ZBED1: variants seen among roughly 807,000 people sequenced by gnomAD.
The protein encoded by ZBED1 is E3 SUMO-protein ligase ZBED1.
A neutral mutation model predicts 49.7 loss-of-function variants in ZBED1; 19 were observed. The observed-to-expected ratio is 0.38, with a 90% CI of 0.27 to 0.56. ZBED1 has a LOEUF of 0.56. Among genes scored for constraint, ZBED1 ranks in the 20% least tolerant of loss-of-function variants. The probability of loss-of-function intolerance (pLI) is 0.70; values close to 1 mark genes in which losing one functional copy is unlikely to be tolerated. For missense variants in ZBED1, 806 were observed against 972.6 expected, an observed-to-expected ratio of 0.83 and a Z score of 2.28; for synonymous variants, 439 against 440.3, an observed-to-expected ratio of 1.00 and a Z score of 0.04.
rs2045057584 is a variant in ZBED1, at chrX:2,489,385, G to A, written c.1335C>T (p.Ser445=). Residue 445 remains serine (S), a synonymous_variant, in exon 2 of 2, where the codon AGC becomes AGT. Coordinates refer to ENST00000652001, the MANE Select transcript of ZBED1 (RefSeq NM_001171136.2). ...CCTTGGCGATGACCTCCTTGGCCATGCTGAGCTCCTTGGAGTCGGTCTCCT... is the reference window on the plus strand; with the variant it reads ...CCTTGGCGATGACCTCCTTGGCCATACTGAGCTCCTTGGAGTCGGTCTCCT... ...NIKETDSKEL[S]MAKEVIAKEL... is the part of the protein sequence containing the mutation. 1 of 1,613,854 alleles carries A rather than the reference G, an allele frequency of 6.2e-7. No homozygotes were observed. Among genetic ancestry groups the A allele is most frequent in the South Asian group, 1.1e-5 (1 of 91,070 alleles).
rs758632919 is a variant in ZBED1, at chrX:2,490,244, C to T, written c.476G>A (p.Arg159Gln). Residue 159 changes from arginine to glutamine, a missense_variant, in exon 2 of 2, where the codon CGG becomes CAG. Physicochemically the swap from Arg to Gln is conservative, Grantham distance 43. Coordinates refer to ENST00000652001, the MANE Select transcript of ZBED1 (RefSeq NM_001171136.2). ...FKVLLKTADP[R>Q]YELPSRKYIS... Reference sequence around the variant, plus strand: ...GTACTTCCGGCTGGGCAGCTCATACCGGGGGTCGGCCGTCTTCAGCAGCAC... The same window carrying T: ...GTACTTCCGGCTGGGCAGCTCATACTGGGGGTCGGCCGTCTTCAGCAGCAC... 1.2e-5 allele frequency: 19 copies of T among 1,613,900 alleles called. No individual in the cohort carries two copies. Among genetic ancestry groups the T allele is most frequent in the Admixed American group, 3.3e-5 (2 of 60,024 alleles).
chrX:2,498,578 G>A (rs2045337467), intron 1 of ZBED1, among the ~76,000 whole-genome samples: 1 of 148,854 alleles, frequency 6.7e-6, no homozygotes, highest in Non-Finnish European at 1.5e-5. Context: ...TTCACCAGAA[G>A]CTCGTCCTCT....
At chrX:2,490,834 C>A (rs758215277) in intron 1 of ZBED1, 62 bp from the exon 2 acceptor site, 1 of 1,436,318 alleles carries the variant, frequency 7.0e-7, no homozygotes, top group African/African-American at 1.4e-5. Context: ...GGAGCCCTGC[C>A]GGGGAGACAG....
rs2044937036 is a variant in ZBED1, at chrX:2,486,582, G to C, written c.*2053C>G. Reference sequence around the variant, plus strand: ...TCCACGTGAGTGAGGAAAAGCGAAGGATTGTTAGAGACGTGAAGAGAACGC... The same window carrying C: ...TCCACGTGAGTGAGGAAAAGCGAAGCATTGTTAGAGACGTGAAGAGAACGC... On this transcript the variant is annotated 3_prime_UTR_variant, in exon 2 of 2. Transcript: ENST00000652001. 1 of 152,226 alleles carries C rather than the reference G, an allele frequency of 6.6e-6. No homozygotes were observed. Among genetic ancestry groups the C allele is most frequent in the South Asian group, 2.1e-4 (1 of 4,832 alleles). 9.4% of individuals were successfully genotyped at this position (152,226 alleles called of 1,614,324 possible).
At position 2,487,736 on chromosome X, in the gene ZBED1, TTC is replaced by T. The variant is rs1491300677; in HGVS notation, c.*897_*898del. 7.2e-5 allele frequency: 11 copies of T among 152,092 alleles called. No homozygotes were observed. The highest frequency in any genetic ancestry group is 1.3e-4 in the Non-Finnish European group (9 of 68,026). 9.4% of individuals were successfully genotyped at this position (152,092 alleles called of 1,614,324 possible). A position where few individuals can be genotyped will look rare whatever the true frequency, so the allele number is the denominator to read the frequency against. ...AATACAACACATTCCACACTTTTTTTTCTGTTTGCTTTTTGTTAAGTGTCTGC... is the reference window on the plus strand; with the variant it reads ...AATACAACACATTCCACACTTTTTTTTGTTTGCTTTTTGTTAAGTGTCTGC... On this transcript the variant is annotated 3_prime_UTR_variant, in exon 2 of 2. Coordinates refer to ENST00000652001, the MANE Select transcript of ZBED1 (RefSeq NM_001171136.2).
intron 1 of ZBED1, among the ~76,000 whole-genome samples, chrX:2,498,722 G>A (rs1469144236): frequency 1.1e-4 from 16 of 151,806 alleles, no homozygotes; most frequent in Non-Finnish European, 1.5e-4. Flanking sequence ...CAGGAACCCC[G>A]GCCTCTTCTG....
At position 2,488,764 on chromosome X, in the gene ZBED1, C is replaced by A. The variant is rs1408630574; in HGVS notation, c.1956G>T (p.Arg652=). 6.2e-7 allele frequency: 1 copy of A among 1,613,966 alleles called. No homozygotes were observed. The highest frequency in any genetic ancestry group is 1.1e-5 in the South Asian group (1 of 91,070). ...CCTCGGGTTCCGCCTCTGCCCCACT[C>A]CGGGCGTTCTCATACAGAAACACCT... is the stretch of plus-strand genomic sequence containing the variant. ...DEQVFLYENA[R]SGAEAEPEDQ... The change falls in exon 2 of 2, where the codon CGG becomes CGT. Residue 652 remains arginine (R), a synonymous_variant. Coordinates refer to ENST00000652001, the MANE Select transcript of ZBED1 (RefSeq NM_001171136.2).
Position 2,500,889 on chromosome X carries a change from C to T in ZBED1, c.-126G>A. The T allele has an allele frequency of 8.8e-7, 1 of 1,140,274 alleles. No individual in the cohort carries two copies. Among genetic ancestry groups the T allele is most frequent in the Non-Finnish European group, 1.1e-6 (1 of 925,326 alleles). The allele number at this position is 1,140,274 out of a possible 1,614,324, so 70.6% of individuals were successfully genotyped here. ...ATCACCGCGGCGCCTACCGCGTAGA[C>T]CCGCAGGGCCGCCCGCGCCGCAGAC... is the stretch of plus-strand genomic sequence containing the variant. On this transcript the variant is annotated 5_prime_UTR_variant, in exon 1 of 2. Coordinates refer to ENST00000652001, the MANE Select transcript of ZBED1 (RefSeq NM_001171136.2).
chrX:2,492,134 C>T (rs1250866213), intron 1 of ZBED1, among the ~76,000 whole-genome samples: 1 of 152,158 alleles, frequency 6.6e-6, no homozygotes. Context: ...TCCTCCCCTA[C>T]CAAAGAAAAT....
At chrX:2,495,246 G>A (rs1239009695) in intron 1 of ZBED1, among the ~76,000 whole-genome samples, 2 of 151,162 alleles carry the variant, frequency 1.3e-5, no homozygotes, top group Non-Finnish European at 2.9e-5. Context: ...GACGTTCCAG[G>A]ACGTGAAGCA....
rs775252460 is a variant in ZBED1 at position 2,489,505 on chromosome X, C to T, written c.1215G>A (p.Lys405=). 16 of 1,613,290 alleles carry T rather than the reference C, an allele frequency of 9.9e-6. No homozygotes were observed. In the East Asian group the frequency reaches 3.1e-4, roughly 31 times the overall value. ...AGGCCGACAGCATCTCGGCCACCTG[C>T]TTGAAGGGCTGCAGGAGCTCCACCA... The part of the protein sequence containing the change: ...EGLVELLQPF[K]QVAEMLSASR... Residue 405 remains lysine, a synonymous_variant, in exon 2 of 2, where the codon AAG becomes AAA. Coordinates refer to ENST00000652001, the MANE Select transcript of ZBED1 (RefSeq NM_001171136.2).
In ZBED1 at chrX:2,489,781, C is replaced by T. The variant is rs367548592; in HGVS notation, c.939G>A (p.Ser313=). The change falls in exon 2 of 2, where the codon TCG becomes TCA. Residue 313 remains serine, a synonymous_variant. Coordinates refer to ENST00000652001, the MANE Select transcript of ZBED1 (RefSeq NM_001171136.2). ...AGTACTCCACCAGTTTGCGGCAGCG[C>T]GACAGCAGCGCCCCCAGCTTCGGGA... ...FQLPKLGALL[S]RCRKLVEYFQ... 17 of 1,613,250 alleles carry T rather than the reference C, an allele frequency of 1.1e-5. No individual in the cohort carries two copies. The African/African-American group carries it at 1.5e-4, about 14-fold the overall frequency.
intron 1 of ZBED1, 124 bp from the exon 2 acceptor site, chrX:2,490,896 G>A (rs1466342089): frequency 1.4e-5 from 11 of 810,410 alleles, no homozygotes; most frequent in African/African-American, 3.4e-5. Flanking sequence ...GGGGCCGGAC[G>A]GCTGGACCTT....
intron 1 of ZBED1, among the ~76,000 whole-genome samples, chrX:2,492,718 A>ACGCCAGGAGC (rs2124118412): frequency 6.6e-6 from 1 of 152,076 alleles, no homozygotes; most frequent in East Asian, 1.9e-4. Context: ...AAGCCCAGGG[A>ACGCCAGGAGC]CGCCAGGAGC....
Position 2,489,699 on chromosome X carries a change from C to A in ZBED1, c.1021G>T (p.Val341Leu), listed in dbSNP as rs368852894. The A allele has an allele frequency of 2.8e-5, 45 of 1,612,742 alleles. 1 individual carries two copies. The South Asian group carries it at 4.6e-4, about 17-fold the overall frequency. The change falls in exon 2 of 2, where the codon GTG (valine) becomes TTG (leucine). Residue 341 changes from valine (V) to leucine (L), a missense_variant. Val to Leu is a conservative substitution (Grantham distance 32). Coordinates refer to ENST00000652001, the MANE Select transcript of ZBED1 (RefSeq NM_001171136.2). Reference sequence around the variant, plus strand: ...TTGCTCACCAGCATGCAGTGGGCCACGTTCTGCTGCTTCTGCTTCTCATAG... The same window carrying A: ...TTGCTCACCAGCATGCAGTGGGCCAAGTTCTGCTGCTTCTGCTTCTCATAG... ...MLYEKQKQQN[V>L]AHCMLVSNRV...
In ZBED1 at chrX:2,490,425, G is replaced by A. The variant is rs768542462; in HGVS notation, c.295C>T (p.Pro99Ser). Residue 99 changes from proline (P) to serine (S), a missense_variant, in exon 2 of 2, where the codon CCC (proline) becomes TCC (serine). Physicochemically the swap from Pro to Ser is moderately conservative, Grantham distance 74. Around this residue, in one of 2 missense-constraint regions of ZBED1, gnomAD observed 749 missense variants for 861.3 expected, o/e 0.87. Transcript: ENST00000652001. ...AFATAFSKLK[P>S]ESSQQPGQDA... ...TGCCCGGGCTGCTGGGACGACTCGG[G>A]CTTCAGCTTGGAGAAGGCGGTGGCG... 4 of 1,613,962 alleles carry A rather than the reference G, an allele frequency of 2.5e-6. No homozygotes were observed. The highest frequency in any genetic ancestry group is 1.7e-6 in the Non-Finnish European group (2 of 1,179,860).
rs750267608 is a variant in ZBED1, at chrX:2,490,827, G to C, written c.-53-55C>G. The C allele has an allele frequency of 5.0e-5, 73 of 1,469,640 alleles. No homozygotes were observed. The African/African-American group carries it at 9.6e-4, about 19-fold the overall frequency. The allele number at this position is 1,469,640 out of a possible 1,614,324, so 91.0% of individuals were successfully genotyped here. A position where few individuals can be genotyped will look rare whatever the true frequency, so the allele number is the denominator to read the frequency against. ...AGAAGGGACCCAGGCACGCACGGGA[G>C]CCCTGCCGGGGAGACAGACAGGGTG... On this transcript the variant is annotated intron_variant, in intron 1 of 1. Transcript: ENST00000652001.
chrX:2,493,594 A>G (rs1417092021), intron 1 of ZBED1, among the ~76,000 whole-genome samples: 1 of 152,030 alleles, frequency 6.6e-6, no homozygotes, highest in Non-Finnish European at 1.5e-5. Context: ...AGTACCAGTA[A>G]CAAAGGTTTA....
Position 2,489,858 on chromosome X carries a change from T to C in ZBED1, c.862A>G (p.Met288Val), listed in dbSNP as rs763431946. The part of the protein sequence containing the change: ...ACSLLDVAVH[M>V]PCLGHTFNAG... ...TTGAAGGTGTGGCCCAGGCAGGGCA[T>C]GTGCACTGCGACGTCCAGCAGGGAG... Residue 288 changes from methionine to valine, a missense_variant, in exon 2 of 2, where the codon ATG (methionine) becomes GTG (valine). By Grantham distance (21) the Met-to-Val change is conservative. Transcript: ENST00000652001. 8.7e-6 allele frequency: 14 copies of C among 1,613,634 alleles called. No homozygotes were observed. Among genetic ancestry groups the C allele is most frequent in the African/African-American group, 2.7e-5 (2 of 74,940 alleles).
Sources: allele counts gnomAD v4.1 joint callset (sites outside exome capture counted in the v4.1 genomes callset), GRCh38; gene constraint gnomAD v4.1.1; regional missense constraint gnomAD v4.1.1; transcripts MANE v1.5; gene names NCBI Gene and HGNC (gene_info 2026-07-23, HGNC 2026-07-21).